Variants in FYB2 observed in about 807,000 individuals in gnomAD.
FYB2 encodes the protein FYN-binding protein 2.
FYB2 carries 103 observed loss-of-function variants against 94.1 expected under a neutral mutation model. The ratio of observed to expected loss-of-function variants is 1.09; its 90% CI spans 0.93 to 1.29. The LOEUF is 1.29. Ranked by LOEUF, FYB2 falls within the 50% of genes most tolerant of loss-of-function variation. The pLI is 0.00. For missense variants in FYB2, 896 were observed against 841.5 expected (o/e 1.06, Z -0.80); for synonymous variants, 293 against 287.9 (o/e 1.02, Z -0.18).
chr1:56,798,850 A>G (rs1174887269), intron 1 of FYB2, among the ~76,000 whole-genome samples: 1 of 152,136 alleles, frequency 6.6e-6, no homozygotes, highest in African/African-American at 2.4e-5. Context: ...TCAAACTCAT[A>G]CAACCTGGCT....
chr1:56,806,939 T>C (rs989042267), intron 1 of FYB2, among the ~76,000 whole-genome samples: 1 of 152,178 alleles, frequency 6.6e-6, no homozygotes, highest in African/African-American at 2.4e-5. Context: ...GATCACGGCC[T>C]GAAGTCAGAA....
At chr1:56,794,202 G>A (rs558287058) in intron 1 of FYB2, among the ~76,000 whole-genome samples, 15 of 152,270 alleles carry the variant, frequency 9.9e-5, no homozygotes, top group African/African-American at 3.6e-4. Context: ...CAATCTTTGC[G>A]GCAGAGGAAG....
chr1:56,815,569 A>T (rs1646864453), intron 1 of FYB2, among the ~76,000 whole-genome samples: 2 of 152,268 alleles, frequency 1.3e-5, no homozygotes, highest in South Asian at 2.1e-4. Context: ...AAGAACATTC[A>T]TGGAGCAGCC....
At chr1:56,730,387 A>C in intron 15 of FYB2, among the ~76,000 whole-genome samples, 1 of 65,842 alleles carries the variant, frequency 1.5e-5, no homozygotes, top group Non-Finnish European at 2.7e-5. Flanking sequence ...GGAAAGGTAA[A>C]GGGAAGTGGA....
intron 1 of FYB2, among the ~76,000 whole-genome samples, chr1:56,812,536 C>T (rs1291745931): frequency 6.6e-6 from 1 of 152,170 alleles, no homozygotes; most frequent in Non-Finnish European, 1.5e-5. Flanking sequence ...ATTTCTGAAG[C>T]ACTTTATTTG....
At chr1:56,754,926 T>C (rs940814779) in intron 7 of FYB2, among the ~76,000 whole-genome samples, 1 of 152,048 alleles carries the variant, frequency 6.6e-6, no homozygotes, top group Non-Finnish European at 1.5e-5. Flanking sequence ...ATGAAAGTCA[T>C]AAATTTAGGG....
chr1:56,825,143 T>G, the FYB2 span: 1 of 152,188 alleles, frequency 6.6e-6, no homozygotes, highest in Non-Finnish European at 1.5e-5. Flanking sequence ...TGGCAGTTAA[T>G]CACCTATATA....
At position 56,719,671 on chromosome 1, in the gene FYB2, C is replaced by T. The variant is rs764415056; in HGVS notation, c.2187G>A (p.Ter729=). ...LDFKHQSWSP[*] ...TCCATAGCATTTGATCTTGATTTTT[C>T]TAAGGTGACCAACTTTGATGCCTGT... is the stretch of plus-strand genomic sequence containing the variant. Residue 729 remains the stop codon, a stop_retained_variant, in exon 20 of 20, where the codon TAG becomes TAA. Transcript: ENST00000343433. 3 of 1,597,192 alleles carry T rather than the reference C, an allele frequency of 1.9e-6. No homozygotes were observed. The highest frequency in any genetic ancestry group is 2.6e-6 in the Non-Finnish European group (3 of 1,168,486).
chr1:56,825,708 G>T, the FYB2 span, among the ~76,000 whole-genome samples: 1 of 152,146 alleles, frequency 6.6e-6, no homozygotes, highest in Admixed American at 6.5e-5. Flanking sequence ...GGTCATTCCT[G>T]AATGTACTTA....
intron 1 of FYB2, among the ~76,000 whole-genome samples, chr1:56,809,707 GT>G (rs1310568230): frequency 6.6e-6 from 1 of 152,090 alleles, no homozygotes; most frequent in African/African-American, 2.4e-5. Flanking sequence ...CACTCTAATT[GT>G]TTTTTTACAT....
chr1:56,801,078 C>G (rs1646508721), intron 1 of FYB2, among the ~76,000 whole-genome samples: 2 of 152,112 alleles, frequency 1.3e-5, no homozygotes, highest in South Asian at 4.1e-4. Flanking sequence ...CCATTTCTCA[C>G]CCTTCCCTGA....
intron 15 of FYB2, among the ~76,000 whole-genome samples, chr1:56,735,410 T>C (rs1276909826): frequency 6.6e-6 from 1 of 152,084 alleles, no homozygotes; most frequent in Non-Finnish European, 1.5e-5. Context: ...CTAAGAAAGG[T>C]TGCTGTCATA....
upstream of FYB2, chr1:56,823,729 G>T (rs1369696163): frequency 6.6e-6 from 1 of 152,146 alleles, no homozygotes; most frequent in Non-Finnish European, 1.5e-5. Context: ...CTTTGAGCCA[G>T]GTGCTGTGCT....
At chr1:56,812,304 T>A (rs942305658) in intron 1 of FYB2, among the ~76,000 whole-genome samples, 8 of 152,168 alleles carry the variant, frequency 5.3e-5, no homozygotes, top group East Asian at 1.9e-4. Context: ...AAGATTTTTT[T>A]AAAAACCTCT....
chr1:56,784,398 G>A (rs905253282), intron 4 of FYB2, among the ~76,000 whole-genome samples: 2 of 152,138 alleles, frequency 1.3e-5, no homozygotes, highest in Non-Finnish European at 1.5e-5. Context: ...GAGAGCCTAC[G>A]TATACCATTT....
At chr1:56,822,565 A>C (rs1182446508), upstream of FYB2, among the ~76,000 whole-genome samples, 2 of 152,174 alleles carry the variant, frequency 1.3e-5, no homozygotes, top group African/African-American at 4.8e-5. Context: ...TCTTCGGGGA[A>C]CTGAGCAGCA....
intron 5 of FYB2, among the ~76,000 whole-genome samples, chr1:56,759,156 A>G (rs969934217): frequency 2.0e-4 from 30 of 152,240 alleles, no homozygotes; most frequent in African/African-American, 7.2e-4. Flanking sequence ...TCTGTTCCAC[A>G]GCCATTTTTA....
At chr1:56,743,594 A>G (rs1645004286) in intron 11 of FYB2, among the ~76,000 whole-genome samples, 1 of 152,088 alleles carries the variant, frequency 6.6e-6, no homozygotes, top group Non-Finnish European at 1.5e-5. Context: ...GAAGGTCAGC[A>G]TAACTGGGTC....
chr1:56,809,159 A>C (rs1313286026), intron 1 of FYB2, among the ~76,000 whole-genome samples: 2 of 152,204 alleles, frequency 1.3e-5, no homozygotes, highest in African/African-American at 4.8e-5. Flanking sequence ...GACAGTGGTG[A>C]ACAAATGTTC....
Sources: allele counts gnomAD v4.1 joint callset (sites outside exome capture counted in the v4.1 genomes callset), GRCh38; gene constraint gnomAD v4.1.1; transcripts MANE v1.5; gene names NCBI Gene and HGNC (gene_info 2026-07-23, HGNC 2026-07-21).